Variants in C3orf33 observed in about 807,000 individuals in gnomAD.
The protein encoded by C3orf33 is AP-1 activity suppressor.
C3orf33 carries 23 observed loss-of-function variants against 28.7 expected under a neutral mutation model. The observed-to-expected ratio is 0.80, with a 90% CI of 0.58 to 1.13. C3orf33 has a LOEUF of 1.13. C3orf33 is among the 50% of genes most tolerant of loss of function. C3orf33 has a pLI of 0.00. For synonymous variants in C3orf33, 119 were observed against 120.5 expected (o/e 0.99, Z 0.08); for missense variants, 327 against 353.4 (o/e 0.93, Z 0.60).
At chr3:155,775,008 C>T (rs1750697991) in intron 3 of C3orf33, among the ~76,000 whole-genome samples, 1 of 152,122 alleles carries the variant, frequency 6.6e-6, no homozygotes, top group African/African-American at 2.4e-5. Context: ...TAGTATCCTG[C>T]TCCTTTTCTT....
Position 155,790,929 on chromosome 3 carries a change from T to C in C3orf33, c.174+11603A>G, listed in dbSNP as rs182053944. Among the ~76,000 whole-genome samples the C allele has an allele frequency of 1.1e-3, 174 of 152,298 alleles. 2 individuals carry two copies. Among genetic ancestry groups the C allele is most frequent in the Admixed American group, 9.9e-3 (152 of 15,286 alleles). On this transcript the variant is annotated intron_variant, in intron 2 of 4. Coordinates refer to ENST00000340171, the MANE Select transcript of C3orf33 (RefSeq NM_001308229.2). ...AATTCCTAGGCAAATCCTGGTGCCG[T>C]GTTGGCTCAAAGCCAGAGAACTTGG...
At chr3:155,795,767 C>T (rs960749203) in intron 2 of C3orf33, among the ~76,000 whole-genome samples, 1 of 151,374 alleles carries the variant, frequency 6.6e-6, no homozygotes, top group African/African-American at 2.4e-5. Context: ...ACCAGCCTGG[C>T]CAACACAGTG....
At position 155,766,067 on chromosome 3, in the gene C3orf33, C is replaced by T. The variant is rs904935019; in HGVS notation, c.483+1442G>A. Among the ~76,000 whole-genome samples the T allele has an allele frequency of 3.3e-5, 5 of 152,184 alleles. No homozygotes were observed. In the South Asian group the frequency reaches 8.3e-4, roughly 25 times the overall value. On this transcript the variant is annotated intron_variant, in intron 4 of 4. Transcript: ENST00000340171. ...TTTACAAGAAGGGGTCTCTCTCTAT[C>T]GCCCAGGTTGGAGTACATTGGTGCG...
chr3:155,775,825 C>G lies in C3orf33; in HGVS notation c.198G>C (p.Ser66=). ...TTCTTATAAATTCTACTGGAATATCCGAAGAGCTTGTAAATTTTGATGTCT... is the reference window on the plus strand; with the variant it reads ...TTCTTATAAATTCTACTGGAATATCGGAAGAGCTTGTAAATTTTGATGTCT... ...IRLTSKFTSS[S]DIPVEFIRRN... Residue 66 remains serine, a synonymous_variant, in exon 3 of 5, where the codon TCG becomes TCC. Coordinates refer to ENST00000340171, the MANE Select transcript of C3orf33 (RefSeq NM_001308229.2). 6.3e-7 allele frequency: 1 copy of G among 1,590,856 alleles called. No individual in the cohort carries two copies. Among genetic ancestry groups the G allele is most frequent in the Non-Finnish European group, 8.6e-7 (1 of 1,163,610 alleles).
At chr3:155,767,045 GA>G (rs1750430139) in intron 4 of C3orf33, among the ~76,000 whole-genome samples, 2 of 152,100 alleles carry the variant, frequency 1.3e-5, no homozygotes. Flanking sequence ...ACAAGGTCAA[GA>G]GATCGAGACC....
intron 3 of C3orf33, among the ~76,000 whole-genome samples, chr3:155,771,006 T>G: frequency 7.8e-5 from 9 of 115,992 alleles, no homozygotes; most frequent in South Asian, 3.0e-4. Flanking sequence ...AGACATAGTT[T>G]TGCTCTGCCA....
intron 3 of C3orf33, 123 bp from the exon 4 acceptor site, chr3:155,767,792 T>C (rs904223827): frequency 5.1e-6 from 3 of 586,060 alleles, no homozygotes; most frequent in Admixed American, 7.6e-5. Flanking sequence ...CCAGTCTCTC[T>C]AACTGTAGAC....
chr3:155,765,172 A>G (rs1317169787), intron 4 of C3orf33, among the ~76,000 whole-genome samples: 1 of 152,230 alleles, frequency 6.6e-6, no homozygotes, highest in East Asian at 1.9e-4. Context: ...AAATAAAGAT[A>G]TGCTTATAAG....
At chr3:155,805,116 T>C (rs1343646310) in intron 1 of C3orf33, among the ~76,000 whole-genome samples, 1 of 149,728 alleles carries the variant, frequency 6.7e-6, no homozygotes, top group African/African-American at 2.5e-5. Context: ...TGGCCTAACA[T>C]GTCCCTCTCT....
intron 2 of C3orf33, among the ~76,000 whole-genome samples, chr3:155,788,017 C>A (rs1479259368): frequency 1.3e-5 from 2 of 151,310 alleles, no homozygotes; most frequent in Non-Finnish European, 2.9e-5. Context: ...CGGTGAAACC[C>A]CGTCTCTACT....
intron 1 of C3orf33, 59 bp from the exon 2 acceptor site, chr3:155,802,650 A>G (rs940461291): frequency 3.1e-6 from 4 of 1,281,254 alleles, no homozygotes; most frequent in Non-Finnish European, 1.1e-6. Flanking sequence ...TAATGAAAGC[A>G]CTAATTAGAA....
Position 155,763,212 on chromosome 3 carries a change from A to G in C3orf33, c.*305T>C. The G allele has an allele frequency of 1.0e-5, 2 of 192,018 alleles. No individual in the cohort carries two copies. Among genetic ancestry groups the G allele is most frequent in the Non-Finnish European group, 1.0e-5 (1 of 95,326 alleles). 11.9% of individuals were successfully genotyped at this position (192,018 alleles called of 1,614,324 possible). A position where few individuals can be genotyped will look rare whatever the true frequency, so the allele number is the denominator to read the frequency against. ...ATATGGCAGCCCAAAATAACTAAAA[A>G]CAACATAGTGGGTGAAGAGTTAAAC... On this transcript the variant is annotated 3_prime_UTR_variant, in exon 5 of 5. Transcript: ENST00000340171.
In C3orf33 at chr3:155,781,153, G is replaced by A. The variant is rs539840716; in HGVS notation, c.175-5305C>T. Among the ~76,000 whole-genome samples, 33 of 151,366 alleles carry A rather than the reference G, an allele frequency of 2.2e-4. 1 individual carries two copies. In the South Asian group the frequency reaches 4.0e-3, roughly 18 times the overall value. On this transcript the variant is annotated intron_variant, in intron 2 of 4. Coordinates refer to ENST00000340171, the MANE Select transcript of C3orf33 (RefSeq NM_001308229.2). The stretch of plus-strand genomic sequence containing the variant: ...GCTGGGACTACAGGCGTCCGCCACC[G>A]CGCCCGGCTAATTTTTTTTTTTGTA...
chr3:155,803,035 T>C (rs1438321064), intron 1 of C3orf33, among the ~76,000 whole-genome samples: 2 of 152,114 alleles, frequency 1.3e-5, no homozygotes, highest in Non-Finnish European at 1.5e-5. Flanking sequence ...TAGTATAACC[T>C]TGCATCCATA....
At chr3:155,796,571 T>C (rs1453166212) in intron 2 of C3orf33, among the ~76,000 whole-genome samples, 2 of 152,210 alleles carry the variant, frequency 1.3e-5, no homozygotes, top group Non-Finnish European at 2.9e-5. Context: ...AATGACTTCA[T>C]TGCTGAATTT....
At chr3:155,792,897 G>T (rs1417923364) in intron 2 of C3orf33, among the ~76,000 whole-genome samples, 2 of 152,010 alleles carry the variant, frequency 1.3e-5, no homozygotes, top group Non-Finnish European at 2.9e-5. Context: ...AGAGAGATAG[G>T]GGTAGAAAGT....
chr3:155,777,053 C>T (rs958974925), intron 2 of C3orf33, among the ~76,000 whole-genome samples: 4 of 152,064 alleles, frequency 2.6e-5, no homozygotes, highest in African/African-American at 7.2e-5. Flanking sequence ...CATGGTGGCT[C>T]ATGCCTGTAA....
At chr3:155,799,219 C>T (rs1009030039) in intron 2 of C3orf33, among the ~76,000 whole-genome samples, 6 of 152,024 alleles carry the variant, frequency 3.9e-5, no homozygotes, top group Admixed American at 2.6e-4. Context: ...GGAGGCCCCA[C>T]AAAAAACTAA....
chr3:155,776,849 T>C (rs188726119), intron 2 of C3orf33, among the ~76,000 whole-genome samples: 85 of 147,332 alleles, frequency 5.8e-4, no homozygotes, highest in Admixed American at 4.8e-3. Flanking sequence ...TAACCAAGAA[T>C]AGTGTAGGAG....
Sources: gnomAD v4.1 joint callset for allele counts (sites outside exome capture counted in the v4.1 genomes callset) on GRCh38, gnomAD v4.1.1 for gene constraint, MANE v1.5 for transcripts, NCBI Gene and HGNC (gene_info 2026-07-23, HGNC 2026-07-21) for gene names.